Variants in GBF1 observed in about 807,000 individuals in gnomAD.
GBF1 encodes Golgi-specific brefeldin A-resistance guanine nucleotide exchange factor 1.
Under a neutral mutation model 210.5 loss-of-function variants are expected in GBF1, and 114 were observed. The ratio of observed to expected loss-of-function variants is 0.54; its 90% CI spans 0.47 to 0.63. The LOEUF (loss-of-function observed/expected upper bound fraction) is 0.63, where lower values mean the gene tolerates loss of function less well. Ranked by LOEUF, GBF1 falls within the 30% of genes least tolerant of loss-of-function variation. GBF1 has a pLI of 0.00. For synonymous variants in GBF1, 850 were observed against 889.2 expected, an observed-to-expected ratio of 0.96 and a Z score of 0.78; for missense variants, 1,851 against 2,357.7, an observed-to-expected ratio of 0.79 and a Z score of 4.45.
chr10:102,332,057 G>A (rs974674696), intron 3 of GBF1, among the ~76,000 whole-genome samples: 6 of 151,514 alleles, frequency 4.0e-5, no homozygotes, highest in Non-Finnish European at 8.8e-5. Context: ...ACAGGGTTTC[G>A]CCATGTTGGC....
Position 102,259,019 on chromosome 10 carries a change from C to T in GBF1, c.81C>T (p.Ser27=). 6.4e-7 allele frequency: 1 copy of T among 1,558,518 alleles called. No individual in the cohort carries two copies. Among genetic ancestry groups the T allele is most frequent in the Non-Finnish European group, 8.9e-7 (1 of 1,129,268 alleles). Residue 27 remains serine (S), a synonymous_variant, in exon 2 of 40, where the codon AGC becomes AGT. Transcript: ENST00000369983. ...CCATCAAACGAAATGCCCGATGGAG[C>T]ACCCATACACCACTGGTAAGTGGGA... ...VGAIKRNARW[S]THTPLDEERD...
intron 36 of GBF1, 46 bp downstream of exon 36, chr10:102,380,000 T>C (rs1199422279): frequency 7.5e-7 from 1 of 1,328,710 alleles, no homozygotes; most frequent in Non-Finnish European, 1.1e-6. Flanking sequence ...ATACCTGCCT[T>C]TTCCCGAGGA....
At chr10:102,319,237 A>G (rs2056155037) in intron 3 of GBF1, among the ~76,000 whole-genome samples, 1 of 152,084 alleles carries the variant, frequency 6.6e-6, no homozygotes, top group Admixed American at 6.6e-5. Flanking sequence ...GGAGAATGGC[A>G]TGAACCCGGG....
intron 3 of GBF1, among the ~76,000 whole-genome samples, chr10:102,288,601 C>G (rs934914607): frequency 6.6e-6 from 1 of 151,842 alleles, no homozygotes; most frequent in Non-Finnish European, 1.5e-5. Context: ...GTCCCAGCTA[C>G]TCGAGAGGCT....
intron 3 of GBF1, among the ~76,000 whole-genome samples, chr10:102,276,540 A>T (rs553200338): frequency 4.3e-4 from 65 of 152,116 alleles, no homozygotes; most frequent in African/African-American, 1.5e-3. Flanking sequence ...AAAAAAAAAA[A>T]AAAAATGTTT....
intron 3 of GBF1, among the ~76,000 whole-genome samples, chr10:102,329,152 A>G (rs1053241143): frequency 1.3e-5 from 2 of 152,182 alleles, no homozygotes; most frequent in Admixed American, 1.3e-4. Context: ...AATTTCCTCT[A>G]GAAAGAAGAG....
intron 29 of GBF1, among the ~76,000 whole-genome samples, chr10:102,372,125 C>G (rs1374610893): frequency 2.0e-5 from 3 of 150,488 alleles, no homozygotes; most frequent in East Asian, 3.9e-4. Flanking sequence ...GCAGGAGAAT[C>G]GCTTGAACCT....
chr10:102,272,476 C>T (rs780614577), intron 3 of GBF1, among the ~76,000 whole-genome samples: 2 of 152,252 alleles, frequency 1.3e-5, no homozygotes, highest in Middle Eastern at 3.4e-3. Context: ...TTTTGAAATA[C>T]GTTAATTTTT....
intron 3 of GBF1, among the ~76,000 whole-genome samples, chr10:102,280,895 G>A (rs1408335118): frequency 1.3e-5 from 2 of 152,164 alleles, no homozygotes; most frequent in African/African-American, 2.4e-5. Context: ...GATTGTTCTG[G>A]GAAAGGAAGT....
chr10:102,295,061 C>A (rs910806262), intron 3 of GBF1, among the ~76,000 whole-genome samples: 4 of 152,172 alleles, frequency 2.6e-5, no homozygotes, highest in African/African-American at 9.7e-5. Flanking sequence ...TTAGTAGATT[C>A]TTTTGGAATT....
chr10:102,358,379 C>A, intron 9 of GBF1, 127 bp from the exon 10 acceptor site: 1 of 796,612 alleles, frequency 1.3e-6, no homozygotes, highest in Non-Finnish European at 2.0e-6. Flanking sequence ...TCTCTGACAA[C>A]TTTAGAGACC....
chr10:102,238,175 CT>C, the GBF1 span, among the ~76,000 whole-genome samples: 1 of 152,174 alleles, frequency 6.6e-6, no homozygotes, highest in Non-Finnish European at 1.5e-5. Flanking sequence ...CCCCATCATT[CT>C]TTTCATGAGT....
chr10:102,300,792 T>C (rs935021012), intron 3 of GBF1, among the ~76,000 whole-genome samples: 1 of 152,192 alleles, frequency 6.6e-6, no homozygotes, highest in Non-Finnish European at 1.5e-5. Context: ...TTGTTGTACA[T>C]ATGTGACTAA....
Position 102,331,851 on chromosome 10 carries a change from A to ATTTTTT in GBF1, c.164-12179_164-12174dup, listed in dbSNP as rs869198412. On this transcript the variant is annotated intron_variant, in intron 3 of 39. Coordinates refer to ENST00000369983, the MANE Select transcript of GBF1 (RefSeq NM_001377137.1). ...AGGCGCACGCCACCATACCTGGCTA[A>ATTTTTT]TTTTTTTTTTTTTTTTTTTTTTTTT... 1.6e-4 allele frequency among the ~76,000 whole-genome samples: 14 copies of ATTTTTT among 85,342 alleles called. 1 individual carries two copies. The highest frequency in any genetic ancestry group is 4.8e-4 in the South Asian group (1 of 2,080). The allele number at this position is 85,342 out of a possible 152,430, so 56.0% of individuals were successfully genotyped here. A position where few individuals can be genotyped will look rare whatever the true frequency, so the allele number is the denominator to read the frequency against.
intron 3 of GBF1, among the ~76,000 whole-genome samples, chr10:102,296,082 C>T (rs964441405): frequency 1.3e-5 from 2 of 152,042 alleles, no homozygotes; most frequent in Non-Finnish European, 2.9e-5. Context: ...TATGGACCAG[C>T]CCAAATTTGT....
chr10:102,339,577 G>A (rs1412292704), intron 3 of GBF1, among the ~76,000 whole-genome samples: 1 of 148,830 alleles, frequency 6.7e-6, no homozygotes, highest in East Asian at 2.1e-4. Context: ...TGAGGCAGGA[G>A]AATCGCTTGA....
intron 3 of GBF1, among the ~76,000 whole-genome samples, chr10:102,267,607 T>C (rs1240454241): frequency 1.3e-5 from 2 of 152,164 alleles, no homozygotes; most frequent in African/African-American, 4.8e-5. Context: ...CCTACAGGGG[T>C]CTATAGTTTA....
At chr10:102,234,746 G>A in the GBF1 span, among the ~76,000 whole-genome samples, 4 of 152,120 alleles carry the variant, frequency 2.6e-5, no homozygotes. Flanking sequence ...ACCCAGAGAG[G>A]GGTTTACCTG....
intron 3 of GBF1, among the ~76,000 whole-genome samples, chr10:102,302,887 C>T (rs1288931775): frequency 1.3e-5 from 2 of 151,628 alleles, no homozygotes; most frequent in African/African-American, 2.4e-5. Flanking sequence ...CCCAAACTGT[C>T]GTTAGTGCCA....
Sources: gnomAD v4.1 joint callset for allele counts (sites outside exome capture counted in the v4.1 genomes callset) on GRCh38, gnomAD v4.1.1 for gene constraint, MANE v1.5 for transcripts, NCBI Gene and HGNC (gene_info 2026-07-23, HGNC 2026-07-21) for gene names.